PPP1R1C: variants seen among roughly 807,000 people sequenced by gnomAD.
PPP1R1C encodes the protein protein phosphatase 1 regulatory subunit 1C.
A neutral mutation model predicts 17.4 loss-of-function variants in PPP1R1C; 15 were observed. The observed-to-expected ratio is 0.86, with a 90% confidence interval of 0.58 to 1.33. PPP1R1C has a LOEUF of 1.33. Among genes scored for constraint, PPP1R1C ranks in the 40% most tolerant of loss-of-function variants. The probability of loss-of-function intolerance (pLI) is 0.00; values close to 1 mark genes in which losing one functional copy is unlikely to be tolerated. For synonymous variants in PPP1R1C, 35 were observed against 43.1 expected (o/e 0.81, Z 0.73); for missense variants, 143 against 130.0 (o/e 1.10, Z -0.48).
chr2:182,032,936 A>G (rs1227665487), intron 2 of PPP1R1C, among the ~76,000 whole-genome samples: 1 of 152,168 alleles, frequency 6.6e-6, no homozygotes, highest in East Asian at 1.9e-4. Flanking sequence ...CTTCAGAGAC[A>G]AACTTCTTGA....
At chr2:182,116,525 G>A (rs115895750) in intron 4 of PPP1R1C, among the ~76,000 whole-genome samples, 6,320 of 152,192 alleles carry the variant, frequency 0.042, 188 homozygotes, top group Non-Finnish European at 0.061. Context: ...AAAGCCTGAG[G>A]GAGCCTGGAG....
chr2:182,092,935 C>A (rs180842528), intron 4 of PPP1R1C, among the ~76,000 whole-genome samples: 7 of 152,134 alleles, frequency 4.6e-5, no homozygotes, highest in African/African-American at 1.7e-4. Context: ...AGTGGATCTA[C>A]CATTCTGGGG....
intron 2 of PPP1R1C, among the ~76,000 whole-genome samples, chr2:181,999,381 A>T (rs1685697279): frequency 6.6e-6 from 1 of 152,180 alleles, no homozygotes; most frequent in Non-Finnish European, 1.5e-5. Flanking sequence ...TTTAAACTCC[A>T]TTTTACAGAG....
chr2:182,059,673 C>T (rs1188354311), intron 2 of PPP1R1C, among the ~76,000 whole-genome samples: 1 of 151,816 alleles, frequency 6.6e-6, no homozygotes, highest in African/African-American at 2.4e-5. Flanking sequence ...TTTTTTAATC[C>T]TTGCCTTCAC....
upstream of PPP1R1C, among the ~76,000 whole-genome samples, chr2:181,983,498 GGAAAAT>G (rs1224545540): frequency 2.7e-4 from 41 of 152,130 alleles, no homozygotes; most frequent in African/African-American, 7.5e-4. Flanking sequence ...TTAATATTTA[GGAAAAT>G]TATACCCCCC....
intron 2 of PPP1R1C, among the ~76,000 whole-genome samples, chr2:182,008,430 G>A (rs1685993599): frequency 6.6e-6 from 1 of 152,200 alleles, no homozygotes; most frequent in Admixed American, 6.5e-5. Context: ...AGGTTTTGAT[G>A]TGAGATAGAT....
chr2:182,092,765 C>T (rs1688819286), intron 4 of PPP1R1C, among the ~76,000 whole-genome samples: 1 of 152,166 alleles, frequency 6.6e-6, no homozygotes. Flanking sequence ...CCTTTGACTC[C>T]ATGTCTCACA....
chr2:181,979,423 C>G (rs1453000942), intron 2 of PPP1R1C, among the ~76,000 whole-genome samples: 1 of 152,088 alleles, frequency 6.6e-6, no homozygotes, highest in South Asian at 2.1e-4. Flanking sequence ...TTTATACATC[C>G]TCAGATAATC....
chr2:181,967,794 C>T lies in PPP1R1C; in HGVS notation n.112-7425C>T, dbSNP rs547309217. Among the ~76,000 whole-genome samples, 10 of 152,256 alleles carry T rather than the reference C, an allele frequency of 6.6e-5. No individual in the cohort carries two copies. The East Asian group carries it at 1.9e-3, about 29-fold the overall frequency. Reference sequence around the variant, plus strand: ...GCAATGGCACATTCTTGGCTCACTGCAACCTCCGCCTTCCAGGTTCAAGCA... The same window carrying T: ...GCAATGGCACATTCTTGGCTCACTGTAACCTCCGCCTTCCAGGTTCAAGCA... On this transcript the variant is annotated intron_variant and non_coding_transcript_variant, in intron 1 of 5. Coordinates refer to the PPP1R1C transcript ENST00000464264. The surrounding 1 kb of genome is among the most constrained non-coding windows in gnomAD (Gnocchi z 5.5).
intron 4 of PPP1R1C, among the ~76,000 whole-genome samples, chr2:182,095,808 A>G (rs1477346742): frequency 1.3e-5 from 2 of 152,142 alleles, no homozygotes; most frequent in East Asian, 3.9e-4. Context: ...CCTGGCCAAC[A>G]TAGTAAAACC....
chr2:181,961,830 G>A lies in PPP1R1C; in HGVS notation n.111+7196G>A, dbSNP rs1052314191. 5.8e-6 allele frequency: 6 copies of A among 1,040,646 alleles called. No individual in the cohort carries two copies. Among genetic ancestry groups the A allele is most frequent in the Middle Eastern group, 2.6e-4 (1 of 3,774 alleles). The allele number at this position is 1,040,646 out of a possible 1,614,324, so 64.5% of individuals were successfully genotyped here. Reference sequence around the variant, plus strand: ...CTTGTAGGCCTTTTACTTCCTCTTCGTGGTTCTTCTTCATGAAGAGCAGCT... The same window carrying A: ...CTTGTAGGCCTTTTACTTCCTCTTCATGGTTCTTCTTCATGAAGAGCAGCT... On this transcript the variant is annotated intron_variant and non_coding_transcript_variant, in intron 1 of 5. Transcript: ENST00000464264. The surrounding 1 kb of genome is among the most constrained non-coding windows in gnomAD (Gnocchi z 5.8).
chr2:182,008,483 C>T (rs1299407874), intron 2 of PPP1R1C, among the ~76,000 whole-genome samples: 1 of 152,096 alleles, frequency 6.6e-6, no homozygotes, highest in African/African-American at 2.4e-5. Context: ...ATCGAAGGAT[C>T]CTACAAAAGC....
At chr2:181,991,974 T>C (rs1400237253) in intron 2 of PPP1R1C, among the ~76,000 whole-genome samples, 1 of 152,236 alleles carries the variant, frequency 6.6e-6, no homozygotes, top group African/African-American at 2.4e-5. Context: ...CTATAGATAT[T>C]TTAAGTCTAC....
At chr2:182,042,884 G>T (rs942894002) in intron 2 of PPP1R1C, among the ~76,000 whole-genome samples, 6 of 152,156 alleles carry the variant, frequency 3.9e-5, no homozygotes, top group Non-Finnish European at 7.3e-5. Flanking sequence ...AATGAGATAT[G>T]TTCGGTCAAC....
intron 2 of PPP1R1C, among the ~76,000 whole-genome samples, chr2:181,977,786 T>C (rs1487898187): frequency 2.0e-5 from 3 of 152,106 alleles, no homozygotes; most frequent in South Asian, 4.1e-4. Context: ...AGGGCCTCAG[T>C]TGGAACTCTC....
intron 2 of PPP1R1C, among the ~76,000 whole-genome samples, chr2:182,008,339 T>C (rs1402039866): frequency 6.6e-6 from 1 of 152,100 alleles, no homozygotes; most frequent in Non-Finnish European, 1.5e-5. Flanking sequence ...TTATTATCAT[T>C]CTTGATGGCT....
At chr2:181,970,299 G>A (rs575837137) in intron 1 of PPP1R1C, among the ~76,000 whole-genome samples, 8 of 152,040 alleles carry the variant, frequency 5.3e-5, no homozygotes, top group African/African-American at 9.7e-5. Flanking sequence ...GTATTTGAAG[G>A]GACTTGCATG....
At chr2:182,129,147 G>GAC (rs1473204009) in exon 6 of PPP1R1C, 17 of 152,066 alleles carry the variant, frequency 1.1e-4, no homozygotes, top group African/African-American at 3.9e-4. Context: ...CATAAGTATT[G>GAC]ACATGTTTTT....
chr2:182,007,798 C>A lies in PPP1R1C; in HGVS notation c.142+19899C>A, dbSNP rs377500626. The stretch of plus-strand genomic sequence containing the variant: ...GAAATCAAGGCTAGGCGCGGTGGCT[C>A]ACGCCTGTAATCCCAGCACTTTGGG... On this transcript the variant is annotated intron_variant, in intron 2 of 4. Transcript: ENST00000682840. Among the ~76,000 whole-genome samples the A allele has an allele frequency of 6.2e-4, 95 of 152,318 alleles. 2 individuals carry two copies. Among genetic ancestry groups the A allele is most frequent in the African/African-American group, 2.2e-3 (91 of 41,570 alleles).
Sources: gnomAD v4.1 joint callset for allele counts (sites outside exome capture counted in the v4.1 genomes callset) on GRCh38, gnomAD v4.1.1 for gene constraint, Gnocchi (gnomAD v3.1) non-coding constraint, MANE v1.5 for transcripts, NCBI Gene and HGNC (gene_info 2026-07-23, HGNC 2026-07-21) for gene names.